Variants in EEF2KMT observed in about 807,000 individuals in gnomAD.
EEF2KMT encodes the protein eukaryotic elongation factor 2 lysine methyltransferase.
A neutral mutation model predicts 35.1 loss-of-function variants in EEF2KMT; 30 were observed. The ratio of observed to expected loss-of-function variants is 0.85; its 90% CI spans 0.64 to 1.16. The LOEUF is 1.16. Ranked by LOEUF, EEF2KMT falls within the 50% of genes most tolerant of loss-of-function variation. The pLI is 0.00. For synonymous variants in EEF2KMT, 190 were observed against 187.7 expected, an observed-to-expected ratio of 1.01 and a Z score of -0.10; for missense variants, 499 against 438.2, an observed-to-expected ratio of 1.14 and a Z score of -1.24.
chr16:5,095,669 G>C (rs999734073), intron 1 of EEF2KMT, among the ~76,000 whole-genome samples, 155 bp from the exon 2 acceptor site: 1 of 152,138 alleles, frequency 6.6e-6, no homozygotes, highest in Non-Finnish European at 1.5e-5. Flanking sequence ...CTGACATTCA[G>C]ATGTCGCAGG....
At chr16:5,092,544 G>A (rs1159418412) in intron 3 of EEF2KMT, among the ~76,000 whole-genome samples, 2 of 152,232 alleles carry the variant, frequency 1.3e-5, no homozygotes, top group Non-Finnish European at 2.9e-5. Flanking sequence ...AGCAGGTATT[G>A]GAGAAGCAGG....
intron 3 of EEF2KMT, 118 bp from the exon 4 acceptor site, chr16:5,092,013 C>G: frequency 1.3e-6 from 2 of 1,527,040 alleles, no homozygotes; most frequent in South Asian, 2.4e-5. Context: ...TACCGGCCAG[C>G]TGCCATATAA....
chr16:5,091,935 T>C, intron 3 of EEF2KMT, 40 bp from the exon 4 acceptor site: 1 of 1,609,852 alleles, frequency 6.2e-7, no homozygotes. Flanking sequence ...GCTTTCGTTC[T>C]AATCTGTAAA....
chr16:5,097,778 G>GGAAGCCCGGCCT lies in EEF2KMT; in HGVS notation c.-51_-40dup, dbSNP rs1567184060. On this transcript the variant is annotated 5_prime_UTR_variant, in exon 1 of 8. Coordinates refer to ENST00000427587, the MANE Select transcript of EEF2KMT (RefSeq NM_201400.4). Reference sequence around the variant, plus strand: ...CCGCAGCGTTGCCGGCAGACCGGGCGGAAGCCCGGCCTGGACTGAAGAGGG... The same window carrying GGAAGCCCGGCCT: ...CCGCAGCGTTGCCGGCAGACCGGGCGGAAGCCCGGCCTGAAGCCCGGCCTGGACTGAAGAGGG... 5 of 1,535,024 alleles carry GGAAGCCCGGCCT rather than the reference G, an allele frequency of 3.3e-6. No homozygotes were observed. The East Asian group carries it at 1.2e-4, about 38-fold the overall frequency.
intron 1 of EEF2KMT, among the ~76,000 whole-genome samples, chr16:5,096,045 C>G (rs1480010613): frequency 1.3e-5 from 2 of 152,060 alleles, no homozygotes; most frequent in African/African-American, 4.8e-5. Flanking sequence ...TCTCTCTGGC[C>G]TGTTCTCCCT....
At position 5,097,757 on chromosome 16, in the gene EEF2KMT, A is replaced by G; in HGVS notation, c.-18T>C. ...GGCGCCATGACGTGGGCGGGGCCGC[A>G]GCGTTGCCGGCAGACCGGGCGGAAG... On this transcript the variant is annotated 5_prime_UTR_variant, in exon 1 of 8. Transcript: ENST00000427587. 6.5e-7 allele frequency: 1 copy of G among 1,545,046 alleles called. No individual in the cohort carries two copies. Among genetic ancestry groups the G allele is most frequent in the Non-Finnish European group, 8.7e-7 (1 of 1,151,320 alleles).
At chr16:5,089,078 T>C (rs750516663) in intron 7 of EEF2KMT, 29 bp downstream of exon 7, 28 of 1,611,514 alleles carry the variant, frequency 1.7e-5, no homozygotes, top group South Asian at 1.2e-4. Context: ...TCAGGGACCA[T>C]GCAGGCCCGG....
In EEF2KMT at chr16:5,091,808, G is replaced by C. The variant is rs201435338; in HGVS notation, c.328C>G (p.Arg110Gly). 1.2e-6 allele frequency: 2 copies of C among 1,611,644 alleles called. No individual in the cohort carries two copies. The highest frequency in any genetic ancestry group is 1.3e-5 in the African/African-American group (1 of 74,840). ...LMAKESTQGH[R>G]SYLLPSGGSV... The stretch of plus-strand genomic sequence containing the variant: ...CCTTCTCATACCAGCAAATAGCTCC[G>C]GTGGCCCTGGGTGGACTCCTTGGCC... Residue 110 changes from arginine to glycine, a missense_variant, in exon 4 of 8, where the codon CGG becomes GGG. Transcript: ENST00000427587.
intron 3 of EEF2KMT, among the ~76,000 whole-genome samples, chr16:5,092,835 G>C (rs996606041): frequency 5.3e-5 from 8 of 152,058 alleles, no homozygotes; most frequent in African/African-American, 1.9e-4. Flanking sequence ...GGTGGCGTGT[G>C]CCTGTAGTCC....
intron 3 of EEF2KMT, among the ~76,000 whole-genome samples, chr16:5,092,170 A>G (rs867997688): frequency 2.0e-5 from 3 of 152,008 alleles, no homozygotes; most frequent in Non-Finnish European, 4.4e-5. Flanking sequence ...TTCACTTGGT[A>G]GGGAAACCTG....
At chr16:5,093,992 C>G (rs913178783) in intron 2 of EEF2KMT, among the ~76,000 whole-genome samples, 5 of 152,214 alleles carry the variant, frequency 3.3e-5, no homozygotes, top group Non-Finnish European at 5.9e-5. Context: ...CTCCGGGTGA[C>G]ACTCCAGCTA....
intron 7 of EEF2KMT, among the ~76,000 whole-genome samples, chr16:5,087,777 C>T (rs9939666): frequency 7.8e-6 from 1 of 128,476 alleles, no homozygotes. Context: ...CCAGCCTGGG[C>T]AATACAAAGC....
At chr16:5,088,852 G>A (rs1321017619) in intron 7 of EEF2KMT, among the ~76,000 whole-genome samples, 3 of 152,110 alleles carry the variant, frequency 2.0e-5, no homozygotes, top group Non-Finnish European at 4.4e-5. Context: ...AGGGCTTAGG[G>A]AACCCTGCTC....
At chr16:5,086,234 C>T (rs572405748) in intron 7 of EEF2KMT, among the ~76,000 whole-genome samples, 2 of 151,042 alleles carry the variant, frequency 1.3e-5, no homozygotes, top group African/African-American at 4.9e-5. Context: ...ACTTGGGAGG[C>T]TGAGGTGGGA....
chr16:5,091,569 G>C (rs531376867), intron 4 of EEF2KMT, among the ~76,000 whole-genome samples: 5 of 152,352 alleles, frequency 3.3e-5, no homozygotes, highest in African/African-American at 9.6e-5. Flanking sequence ...CAGGTAGTGT[G>C]TGTCACCTAT....
chr16:5,091,019 A>G (rs529073104), intron 4 of EEF2KMT, among the ~76,000 whole-genome samples: 1 of 152,208 alleles, frequency 6.6e-6, no homozygotes, highest in African/African-American at 2.4e-5. Context: ...GGTTCAAGCA[A>G]TTCTCCTGCC....
rs1444247517 is a variant in EEF2KMT, at chr16:5,091,784, C to T, written c.342+10G>A. 36 of 1,611,404 alleles carry T rather than the reference C, an allele frequency of 2.2e-5. No individual in the cohort carries two copies. Among genetic ancestry groups the T allele is most frequent in the African/African-American group, 4.0e-5 (3 of 74,830 alleles). On this transcript the variant is annotated intron_variant, in intron 4 of 7. Transcript: ENST00000427587. ...GGGCTGTGAGGGGGAGGAGGGTGCC[C>T]TTCTCATACCAGCAAATAGCTCCGG...
chr16:5,086,544 C>A (rs1957180711), intron 7 of EEF2KMT: 1 of 150,692 alleles, frequency 6.6e-6, no homozygotes, highest in African/African-American at 2.4e-5. Flanking sequence ...GACTCCTGGG[C>A]TCTAGCAATC....
intron 2 of EEF2KMT, chr16:5,095,235 G>A (rs573717243): frequency 1.3e-4 from 78 of 616,928 alleles, no homozygotes; most frequent in Non-Finnish European, 1.9e-4. Flanking sequence ...GCAGGTTTTT[G>A]TATATTCTGA....
Sources: gnomAD v4.1 joint callset for allele counts (sites outside exome capture counted in the v4.1 genomes callset) on GRCh38, gnomAD v4.1.1 for gene constraint, MANE v1.5 for transcripts, NCBI Gene and HGNC (gene_info 2026-07-23, HGNC 2026-07-21) for gene names.